Variants in ANKRD36 observed in about 807,000 individuals in gnomAD.
ANKRD36 encodes the protein ankyrin repeat domain 36.
A neutral mutation model predicts 278.1 loss-of-function variants in ANKRD36; 179 were observed. The ratio of observed to expected loss-of-function variants is 0.64; its 90% CI spans 0.57 to 0.73. ANKRD36 has a LOEUF of 0.73. ANKRD36 is among the 30% of genes least tolerant of loss of function. The pLI is 0.00. For synonymous variants in ANKRD36, 320 were observed against 641.1 expected, an observed-to-expected ratio of 0.50 and a Z score of 7.57; for missense variants, 1,159 against 1,956.7, an observed-to-expected ratio of 0.59 and a Z score of 7.69.
chr2:97,206,235 C>T (rs886199054), intron 52 of ANKRD36, 100 bp downstream of exon 52: 1 of 1,274,532 alleles, frequency 7.8e-7, no homozygotes, highest in Non-Finnish European at 1.1e-6. Context: ...GCTGCACTTT[C>T]TGATTCAGCA....
chr2:97,124,587 A>G lies in ANKRD36; in HGVS notation c.721A>G (p.Lys241Glu), dbSNP rs775234250. Residue 241 changes from lysine (K) to glutamate (E), a missense_variant, in exon 5 of 76, where the codon AAG (lysine) becomes GAG (glutamate). Lys to Glu is a moderately conservative substitution (Grantham distance 56). Coordinates refer to ENST00000420699, the MANE Select transcript of ANKRD36 (RefSeq NM_001354587.1). ...TGCAGGAGATTATGCCATTGAGGCT[A>G]AGAATAGAGTGTAAGTCTTTACATA... ...KIAGDYAIEA[K>E]NRVIFDLIYE... 4 of 1,551,480 alleles carry G rather than the reference A, an allele frequency of 2.6e-6. No individual in the cohort carries two copies. In the Admixed American group the frequency reaches 5.9e-5, roughly 23 times the overall value.
At position 97,215,550 on chromosome 2, in the gene ANKRD36, C is replaced by G. The variant is rs369261169; in HGVS notation, c.3673+53C>G. 1.7e-4 allele frequency: 279 copies of G among 1,597,456 alleles called. 9 individuals carry two copies. The East Asian group carries it at 2.0e-3, about 12-fold the overall frequency. ...TGTTCGATCAAATAGAAGAGAAATTCACTTCCCTAAATAAATCAGCGGGGG... is the reference window on the plus strand; with the variant it reads ...TGTTCGATCAAATAGAAGAGAAATTGACTTCCCTAAATAAATCAGCGGGGG... On this transcript the variant is annotated intron_variant, in intron 62 of 75. Transcript: ENST00000420699.
At chr2:97,154,370 T>G (rs1301741688) in intron 14 of ANKRD36, among the ~76,000 whole-genome samples, 1 of 148,500 alleles carries the variant, frequency 6.7e-6, no homozygotes, top group Non-Finnish European at 1.5e-5. Context: ...TAAGGACAAA[T>G]TATTGTCTGG....
chr2:97,243,151 G>C lies in ANKRD36; in HGVS notation c.4308-695G>C, dbSNP rs1479302222. Among the ~76,000 whole-genome samples, 2 of 142,174 alleles carry C rather than the reference G, an allele frequency of 1.4e-5. 1 individual carries two copies. The highest frequency in any genetic ancestry group is 3.2e-5 in the Non-Finnish European group (2 of 63,274). 93.3% of individuals were successfully genotyped at this position (142,174 alleles called of 152,430 possible). On this transcript the variant is annotated intron_variant, in intron 69 of 75. Transcript: ENST00000420699. ...GTGGCCCCCGACACAGCCCTCAGGA[G>C]GTCCTGAGAACATGTGCCCGAGGTG...
In ANKRD36 at chr2:97,219,068, C is replaced by G. The variant is rs1293571603; in HGVS notation, c.3794C>G (p.Pro1265Arg). The G allele has an allele frequency of 9.8e-5, 151 of 1,542,874 alleles. No homozygotes were observed. In the Middle Eastern group the frequency reaches 1.4e-3, roughly 14 times the overall value. Residue 1265 changes from proline (P) to arginine (R), a missense_variant, in exon 65 of 76, where the codon CCC (proline) becomes CGC (arginine). By Grantham distance (103) the Pro-to-Arg change is moderately radical. Transcript: ENST00000420699. ...KSGTEYPENL[P>R]TLKATIENKN... Reference sequence around the variant, plus strand: ...TTGTTAGAGTATCCTGAGAATCTGCCCACCTTGAAGGTAATTACTCTTACA... The same window carrying G: ...TTGTTAGAGTATCCTGAGAATCTGCGCACCTTGAAGGTAATTACTCTTACA...
chr2:97,190,832 C>G, intron 34 of ANKRD36, 146 bp from the exon 35 acceptor site: 3 of 1,270,276 alleles, frequency 2.4e-6, no homozygotes, highest in Non-Finnish European at 3.2e-6. Context: ...CTGTCATGTT[C>G]CAGTCCCAAG....
intron 18 of ANKRD36, among the ~76,000 whole-genome samples, chr2:97,162,930 TA>T (rs2049386949): frequency 6.6e-6 from 1 of 152,358 alleles, no homozygotes; most frequent in South Asian, 2.1e-4. Context: ...TCTTGAGTAC[TA>T]AAAGTGTAAC....
Position 97,154,634 on chromosome 2 carries a change from A to G in ANKRD36, c.1194-41A>G, listed in dbSNP as rs543481544. 2 of 1,439,102 alleles carry G rather than the reference A, an allele frequency of 1.4e-6. 1 individual carries two copies. The highest frequency in any genetic ancestry group is 2.4e-5 in the South Asian group (2 of 82,912). 89.1% of individuals were successfully genotyped at this position (1,439,102 alleles called of 1,614,324 possible). A position where few individuals can be genotyped will look rare whatever the true frequency, so the allele number is the denominator to read the frequency against. On this transcript the variant is annotated intron_variant, in intron 14 of 75. Coordinates refer to ENST00000420699, the MANE Select transcript of ANKRD36 (RefSeq NM_001354587.1). ...TGACGGTTTTTGTTTTCTTTTAAGA[A>G]ATGAACGTGCTCATTTTTGTAATAT...
At position 97,196,558 on chromosome 2, in the gene ANKRD36, T is replaced by C. The variant is rs371103337; in HGVS notation, c.2552-35T>C. The C allele has an allele frequency of 6.5e-5, 104 of 1,603,384 alleles. No individual in the cohort carries two copies. In the Middle Eastern group the frequency reaches 7.3e-4, roughly 11 times the overall value. Reference sequence around the variant, plus strand: ...TGTATGGATATCTTTGTCATATTTATGTATGACTGATTATGAATCCCTTTT... The same window carrying C: ...TGTATGGATATCTTTGTCATATTTACGTATGACTGATTATGAATCCCTTTT... On this transcript the variant is annotated intron_variant, in intron 40 of 75. Coordinates refer to ENST00000420699, the MANE Select transcript of ANKRD36 (RefSeq NM_001354587.1).
chr2:97,177,430 C>G (rs1203555839), intron 22 of ANKRD36, among the ~76,000 whole-genome samples: 1 of 151,910 alleles, frequency 6.6e-6, no homozygotes, highest in Non-Finnish European at 1.5e-5. Context: ...TCAAACTATA[C>G]TACAAGGCTA....
intron 58 of ANKRD36, among the ~76,000 whole-genome samples, chr2:97,212,223 G>A (rs897871468): frequency 1.3e-5 from 2 of 151,868 alleles, no homozygotes; most frequent in African/African-American, 2.4e-5. Context: ...AGGAAGGAGG[G>A]AAAAGTAGTT....
At chr2:97,150,598 G>A (rs1246568208) in intron 12 of ANKRD36, among the ~76,000 whole-genome samples, 3 of 152,120 alleles carry the variant, frequency 2.0e-5, no homozygotes, top group Admixed American at 6.5e-5. Flanking sequence ...TTTTTCTAAT[G>A]TTGAGAATGT....
chr2:97,183,694 G>A (rs1485563223), intron 28 of ANKRD36, 40 bp downstream of exon 28: 4 of 1,540,974 alleles, frequency 2.6e-6, no homozygotes, highest in Non-Finnish European at 3.5e-6. Context: ...GTGCACTCAA[G>A]ACAGAAGAGA....
intron 32 of ANKRD36, among the ~76,000 whole-genome samples, chr2:97,187,922 T>A (rs2153559400): frequency 6.6e-6 from 1 of 151,774 alleles, no homozygotes; most frequent in Non-Finnish European, 1.5e-5. Context: ...AATTTAGGGG[T>A]TTCTGCTGAG....
rs1312653603 is a variant in ANKRD36, at chr2:97,151,999, T to C, written c.1162+60T>C. ...ACTGATTCTTCATTTGTTTTTTTTT[T>C]TTCTTTGTGAAACACAGTCTTACTA... On this transcript the variant is annotated intron_variant, in intron 13 of 75. Transcript: ENST00000420699. The C allele has an allele frequency of 2.3e-6, 3 of 1,321,338 alleles. No homozygotes were observed. In the East Asian group the frequency reaches 7.7e-5, roughly 34 times the overall value. The allele number at this position is 1,321,338 out of a possible 1,614,324, so 81.9% of individuals were successfully genotyped here.
chr2:97,134,722 G>T (rs1180314792), intron 6 of ANKRD36, among the ~76,000 whole-genome samples: 1 of 151,944 alleles, frequency 6.6e-6, no homozygotes, highest in Non-Finnish European at 1.5e-5. Context: ...TGAGACAACT[G>T]TTGGCACATC....
At chr2:97,222,412 C>T (rs1308250782) in intron 66 of ANKRD36, among the ~76,000 whole-genome samples, 2 of 152,068 alleles carry the variant, frequency 1.3e-5, no homozygotes, top group African/African-American at 2.4e-5. Flanking sequence ...TAGTGTTCTC[C>T]ATGGTGACTG....
In ANKRD36 at chr2:97,151,947, A is replaced by G; in HGVS notation, c.1162+8A>G. ...CACGATCTATAAAAGATGGTAAGTT[A>G]TTTGAAGGCTGCCTATTGTAGTATT... On this transcript the variant is annotated splice_region_variant and intron_variant, in intron 13 of 75. Coordinates refer to ENST00000420699, the MANE Select transcript of ANKRD36 (RefSeq NM_001354587.1). 6.9e-7 allele frequency: 1 copy of G among 1,450,510 alleles called. No individual in the cohort carries two copies. Among genetic ancestry groups the G allele is most frequent in the Non-Finnish European group, 9.3e-7 (1 of 1,072,404 alleles). 89.9% of individuals were successfully genotyped at this position (1,450,510 alleles called of 1,614,324 possible).
At chr2:97,211,620 T>A in intron 57 of ANKRD36, 46 bp downstream of exon 57, 2 of 1,596,438 alleles carry the variant, frequency 1.3e-6, no homozygotes, top group South Asian at 2.3e-5. Flanking sequence ...CTGTATAGTA[T>A]ATGAAATATA....
Sources: gnomAD v4.1 joint callset for allele counts (sites outside exome capture counted in the v4.1 genomes callset) on GRCh38, gnomAD v4.1.1 for gene constraint, MANE v1.5 for transcripts, NCBI Gene and HGNC (gene_info 2026-07-23, HGNC 2026-07-21) for gene names.